Variants in STMN2 observed in about 807,000 individuals in gnomAD.
The protein encoded by STMN2 is stathmin-2.
In STMN2, 2 loss-of-function variants were observed where a neutral mutation model predicts 24.1. The ratio of observed to expected loss-of-function variants is 0.08; its 90% CI spans 0.03 to 0.26. STMN2 has a LOEUF of 0.26. Among genes scored for constraint, STMN2 ranks in the 10% least tolerant of loss-of-function variants. The probability of loss-of-function intolerance (pLI) is 1.00; values close to 1 mark genes in which losing one functional copy is unlikely to be tolerated. For synonymous variants in STMN2, 83 were observed against 77.5 expected, an observed-to-expected ratio of 1.07 and a Z score of -0.37; for missense variants, 114 against 213.6, an observed-to-expected ratio of 0.53 and a Z score of 2.91.
chr8:79,664,978 A>G lies in STMN2; in HGVS notation c.*104A>G. ...GGGGAATGTATGACATGGTTTAAAAAGAACTCATTATAAAAAAAAAAAAAC... is the reference window on the plus strand; with the variant it reads ...GGGGAATGTATGACATGGTTTAAAAGGAACTCATTATAAAAAAAAAAAAAC... On this transcript the variant is annotated 3_prime_UTR_variant, in exon 5 of 5. Coordinates refer to ENST00000220876, the MANE Select transcript of STMN2 (RefSeq NM_007029.4). 2.0e-6 allele frequency: 2 copies of G among 993,318 alleles called. No individual in the cohort carries two copies. Among genetic ancestry groups the G allele is most frequent in the Non-Finnish European group, 2.7e-6 (2 of 742,640 alleles). The allele number at this position is 993,318 out of a possible 1,614,324, so 61.5% of individuals were successfully genotyped here.
At chr8:79,644,905 A>T (rs1416761824) in intron 3 of STMN2, among the ~76,000 whole-genome samples, 1 of 152,212 alleles carries the variant, frequency 6.6e-6, no homozygotes, top group Non-Finnish European at 1.5e-5. Context: ...CTATAATCCC[A>T]GCACTTTGGG....
intron 1 of STMN2, among the ~76,000 whole-genome samples, chr8:79,632,032 T>A (rs569497488): frequency 1.1e-4 from 17 of 152,198 alleles, no homozygotes; most frequent in South Asian, 6.2e-4. Context: ...AAGACTCAAG[T>A]TTTTTAGAAT....
At chr8:79,648,453 C>CTTTTTTTTTTT (rs11374351) in intron 3 of STMN2, among the ~76,000 whole-genome samples, 2 of 97,914 alleles carry the variant, frequency 2.0e-5, no homozygotes, top group Non-Finnish European at 3.8e-5. Context: ...ATATACGTTG[C>CTTTTTTTTTTT]TTTTTTTTTT....
intron 3 of STMN2, among the ~76,000 whole-genome samples, chr8:79,646,015 TCAA>T (rs776959609): frequency 6.6e-6 from 1 of 152,196 alleles, no homozygotes; most frequent in Non-Finnish European, 1.5e-5. Flanking sequence ...TCTTTCTTAT[TCAA>T]CTCCTGTTAG....
At chr8:79,662,501 C>T (rs2130401703) in intron 4 of STMN2, among the ~76,000 whole-genome samples, 1 of 152,070 alleles carries the variant, frequency 6.6e-6, no homozygotes, top group East Asian at 1.9e-4. Context: ...CTTTTGTTCT[C>T]CCACATTTTG....
chr8:79,616,437 G>T (rs148141262), intron 1 of STMN2, among the ~76,000 whole-genome samples: 1,816 of 152,204 alleles, frequency 0.012, 19 homozygotes, highest in Middle Eastern at 0.02. Context: ...TTCTAATCCA[G>T]CTATAAAATA....
At chr8:79,633,306 A>G (rs905865878) in intron 1 of STMN2, among the ~76,000 whole-genome samples, 3 of 152,222 alleles carry the variant, frequency 2.0e-5, no homozygotes, top group Admixed American at 1.3e-4. Context: ...GGGTAGAGTC[A>G]TGCTATGTGG....
chr8:79,657,280 G>C (rs553649344), intron 4 of STMN2, among the ~76,000 whole-genome samples: 1 of 151,990 alleles, frequency 6.6e-6, no homozygotes, highest in Admixed American at 6.5e-5. Flanking sequence ...TTTTTCCTCT[G>C]TGTGTTTTTT....
chr8:79,643,416 GCT>G (rs1214839597), intron 3 of STMN2, among the ~76,000 whole-genome samples: 2 of 151,998 alleles, frequency 1.3e-5, no homozygotes, highest in Non-Finnish European at 2.9e-5. Context: ...AGCAGTTTAA[GCT>G]CTGACCCAAG....
chr8:79,613,738 C>T, intron 1 of STMN2: 1 of 985,420 alleles, frequency 1.0e-6, no homozygotes, highest in Non-Finnish European at 1.2e-6. Flanking sequence ...TAATTGCCCT[C>T]ATCCCTTTCC....
chr8:79,657,542 T>C (rs1010907394), intron 4 of STMN2, among the ~76,000 whole-genome samples: 4 of 152,176 alleles, frequency 2.6e-5, no homozygotes, highest in Non-Finnish European at 4.4e-5. Context: ...GAACTAGTGG[T>C]TCGTAGCCTG....
intron 4 of STMN2, among the ~76,000 whole-genome samples, chr8:79,657,065 G>T (rs1287318117): frequency 6.6e-6 from 1 of 152,086 alleles, no homozygotes; most frequent in African/African-American, 2.4e-5. Context: ...GTAGAGACAG[G>T]GTTTTGCCGT....
chr8:79,656,884 G>GTTTTTTTTTTTTTTTTTTT (rs71266026), intron 4 of STMN2, among the ~76,000 whole-genome samples: 1 of 150,204 alleles, frequency 6.7e-6, no homozygotes. Flanking sequence ...TTGTTTGTTT[G>GTTTTTTTTTTTTTTTTTTT]TTTTTTTGAG....
At chr8:79,660,604 T>C (rs1385433687) in intron 4 of STMN2, among the ~76,000 whole-genome samples, 1 of 152,194 alleles carries the variant, frequency 6.6e-6, no homozygotes, top group African/African-American at 2.4e-5. Flanking sequence ...TTTCAGGGAA[T>C]AAGATTCTGT....
chr8:79,612,699 G>T (rs566827801), intron 1 of STMN2, among the ~76,000 whole-genome samples: 69 of 152,308 alleles, frequency 4.5e-4, no homozygotes, highest in African/African-American at 1.6e-3. Context: ...CTGGAAGCAC[G>T]TGTCCCCCGG....
chr8:79,651,560 G>T (rs983958959), intron 3 of STMN2, among the ~76,000 whole-genome samples: 1 of 152,142 alleles, frequency 6.6e-6, no homozygotes, highest in African/African-American at 2.4e-5. Flanking sequence ...AAGCCTTCCC[G>T]TCTGAATCTT....
At position 79,659,762 on chromosome 8, in the gene STMN2, T is replaced by C. The variant is rs567907612; in HGVS notation, c.480+4700T>C. On this transcript the variant is annotated intron_variant, in intron 4 of 4. Transcript: ENST00000220876. ...CCAAAAATTGATCAGTTAATGGGGG[T>C]TCTATGGGGGTTTCTTTTCTTGCCA... Among the ~76,000 whole-genome samples, 250 of 152,110 alleles carry C rather than the reference T, an allele frequency of 1.6e-3. 1 individual carries two copies. The highest frequency in any genetic ancestry group is 2.9e-3 in the Non-Finnish European group (198 of 67,974).
chr8:79,626,865 G>A (rs538978569), intron 1 of STMN2, among the ~76,000 whole-genome samples: 2 of 152,286 alleles, frequency 1.3e-5, no homozygotes, highest in African/African-American at 4.8e-5. Context: ...AGAAGTAAGG[G>A]CTAAGGTCTG....
At chr8:79,653,993 A>C (rs1810393079) in intron 3 of STMN2, among the ~76,000 whole-genome samples, 2 of 152,236 alleles carry the variant, frequency 1.3e-5, no homozygotes, top group Admixed American at 6.5e-5. Context: ...CCATGCCAGT[A>C]TGACTTACAA....
Sources: gnomAD v4.1 joint callset for allele counts (sites outside exome capture counted in the v4.1 genomes callset) on GRCh38, gnomAD v4.1.1 for gene constraint, MANE v1.5 for transcripts, NCBI Gene and HGNC (gene_info 2026-07-23, HGNC 2026-07-21) for gene names.